Variants in LINGO2 observed in about 807,000 individuals in gnomAD.
LINGO2 encodes the protein leucine rich repeat and Ig domain containing 2.
In LINGO2, 14 loss-of-function variants were observed where a neutral mutation model predicts 30.6. The observed-to-expected ratio is 0.46, with a 90% CI of 0.30 to 0.72. LINGO2 has a LOEUF of 0.72. LINGO2 is among the 30% of genes least tolerant of loss of function. The probability of loss-of-function intolerance (pLI) is 0.07; values close to 1 mark genes in which losing one functional copy is unlikely to be tolerated. For synonymous variants in LINGO2, 317 were observed against 288.5 expected (o/e 1.10, Z -1.00); for missense variants, 729 against 751.7 (o/e 0.97, Z 0.35).
chr9:28,842,791 T>C, the LINGO2 span, among the ~76,000 whole-genome samples: 2 of 151,860 alleles, frequency 1.3e-5, no homozygotes, highest in African/African-American at 4.9e-5. Context: ...CAATAAGCAT[T>C]CTTCTGCAAT....
At chr9:28,866,011 G>A in the LINGO2 span, among the ~76,000 whole-genome samples, 5 of 152,094 alleles carry the variant, frequency 3.3e-5, no homozygotes, top group African/African-American at 1.2e-4. Flanking sequence ...TGTTAGTCGG[G>A]TACTTGGCTT....
chr9:28,223,144 G>A (rs1188382487), intron 4 of LINGO2, among the ~76,000 whole-genome samples: 2 of 152,146 alleles, frequency 1.3e-5, no homozygotes, highest in African/African-American at 4.8e-5. Flanking sequence ...AAGAGAGATG[G>A]TATGTCCATT....
At chr9:28,410,075 CAAAA>C (rs951290807) in intron 2 of LINGO2, among the ~76,000 whole-genome samples, 4 of 109,588 alleles carry the variant, frequency 3.7e-5, no homozygotes, top group African/African-American at 1.4e-4. Context: ...AAAGGAAGAA[CAAAA>C]AAAGAAAGAA....
At chr9:29,089,511 G>C in the LINGO2 span, among the ~76,000 whole-genome samples, 1 of 152,022 alleles carries the variant, frequency 6.6e-6, no homozygotes, top group Admixed American at 6.6e-5. Context: ...ACTCTAATAT[G>C]ATAGGACATT....
At chr9:28,344,587 T>C (rs1234137999) in intron 3 of LINGO2, among the ~76,000 whole-genome samples, 2 of 152,182 alleles carry the variant, frequency 1.3e-5, no homozygotes, top group Admixed American at 1.3e-4. Flanking sequence ...TAGATTATTT[T>C]TATTCTTTTC....
At chr9:28,858,556 C>T in the LINGO2 span, among the ~76,000 whole-genome samples, 13 of 151,962 alleles carry the variant, frequency 8.6e-5, no homozygotes, top group African/African-American at 2.9e-4. Flanking sequence ...GTCCCCCCGT[C>T]GCAGCTCTAA....
At chr9:28,967,234 G>A in the LINGO2 span, among the ~76,000 whole-genome samples, 1 of 152,058 alleles carries the variant, frequency 6.6e-6, no homozygotes, top group Non-Finnish European at 1.5e-5. Context: ...TGAGGGCTTT[G>A]CTGAGTTCTT....
chr9:28,136,754 A>G (rs1245030490), intron 4 of LINGO2, among the ~76,000 whole-genome samples: 1 of 152,186 alleles, frequency 6.6e-6, no homozygotes, highest in Non-Finnish European at 1.5e-5. Context: ...GGACTGGGCC[A>G]TGGAGTTCTC....
At chr9:28,457,601 A>T (rs188852731) in intron 2 of LINGO2, among the ~76,000 whole-genome samples, 59 of 151,248 alleles carry the variant, frequency 3.9e-4, no homozygotes, top group Admixed American at 1.1e-3. Context: ...AACAAAAATT[A>T]AAAAAAAACC....
At chr9:27,976,200 C>G (rs1414996524) in intron 5 of LINGO2, among the ~76,000 whole-genome samples, 1 of 152,138 alleles carries the variant, frequency 6.6e-6, no homozygotes, top group Non-Finnish European at 1.5e-5. Context: ...CTGCCACTTA[C>G]TAAGTACCAC....
chr9:28,937,507 A>C, the LINGO2 span, among the ~76,000 whole-genome samples: 1 of 152,030 alleles, frequency 6.6e-6, no homozygotes, highest in Non-Finnish European at 1.5e-5. Context: ...AAGGTTCCAG[A>C]GAATAATTCT....
At chr9:28,879,566 TC>T in the LINGO2 span, among the ~76,000 whole-genome samples, 2 of 152,190 alleles carry the variant, frequency 1.3e-5, no homozygotes, top group Admixed American at 1.3e-4. Context: ...TTCCAGTCAT[TC>T]TCACATCATC....
chr9:28,634,088 C>T (rs1827131674), intron 1 of LINGO2, among the ~76,000 whole-genome samples: 2 of 152,150 alleles, frequency 1.3e-5, no homozygotes. Context: ...AGAGATTATT[C>T]TCTAAATAAA....
the LINGO2 span, among the ~76,000 whole-genome samples, chr9:28,707,409 T>A: frequency 6.6e-6 from 1 of 152,112 alleles, no homozygotes. Flanking sequence ...CTTCTTCCAT[T>A]TTCTCCATCC....
intron 2 of LINGO2, among the ~76,000 whole-genome samples, chr9:28,474,479 TA>T (rs1311273593): frequency 6.6e-6 from 1 of 152,134 alleles, no homozygotes; most frequent in African/African-American, 2.4e-5. Context: ...AGATGTCTTA[TA>T]AATCAATGTA....
intron 2 of LINGO2, among the ~76,000 whole-genome samples, chr9:28,457,158 A>G (rs193128279): frequency 6.8e-4 from 104 of 152,264 alleles, no homozygotes; most frequent in African/African-American, 2.4e-3. Flanking sequence ...GATTCAGGAG[A>G]AACCTTGACC....
At chr9:28,794,204 T>C in the LINGO2 span, among the ~76,000 whole-genome samples, 1 of 152,148 alleles carries the variant, frequency 6.6e-6, no homozygotes, top group African/African-American at 2.4e-5. Context: ...CTCAGGAGGC[T>C]GAGGCAGGAG....
chr9:28,630,701 T>C (rs1402772402), intron 1 of LINGO2, among the ~76,000 whole-genome samples: 1 of 152,096 alleles, frequency 6.6e-6, no homozygotes, highest in Non-Finnish European at 1.5e-5. Flanking sequence ...CAAAGATATT[T>C]GAATGGCATT....
the LINGO2 span, among the ~76,000 whole-genome samples, chr9:28,966,129 A>T: frequency 6.6e-6 from 1 of 152,248 alleles, no homozygotes; most frequent in East Asian, 1.9e-4. Context: ...TTGACATAAA[A>T]GTTGAGATTG....
Sources: allele counts gnomAD v4.1 joint callset (sites outside exome capture counted in the v4.1 genomes callset), GRCh38; gene constraint gnomAD v4.1.1; transcripts MANE v1.5; gene names NCBI Gene and HGNC (gene_info 2026-07-23, HGNC 2026-07-21).